The following LRRC4C variants were observed in gnomAD, a reference collection of about 807,000 sequenced individuals.
LRRC4C encodes leucine-rich repeat-containing protein 4C.
In LRRC4C, 5 loss-of-function variants were observed where a neutral mutation model predicts 33.6. The observed-to-expected ratio is 0.15, with a 90% CI of 0.08 to 0.31. The LOEUF is 0.31. Among genes scored for constraint, LRRC4C ranks in the 10% least tolerant of loss-of-function variants. The pLI is 1.00. For missense variants in LRRC4C, 560 were observed against 796.7 expected, an observed-to-expected ratio of 0.70 and a Z score of 3.58; for synonymous variants, 329 against 302.0, an observed-to-expected ratio of 1.09 and a Z score of -0.93.
At chr11:40,447,761 C>A (rs982067930) in intron 3 of LRRC4C, among the ~76,000 whole-genome samples, 8 of 151,824 alleles carry the variant, frequency 5.3e-5, no homozygotes, top group African/African-American at 1.9e-4. Flanking sequence ...AGTAGCTTCA[C>A]TGTAGAGCTT....
At chr11:41,107,326 C>T (rs1452820101) in intron 1 of LRRC4C, among the ~76,000 whole-genome samples, 1 of 151,930 alleles carries the variant, frequency 6.6e-6, no homozygotes, top group Non-Finnish European at 1.5e-5. Flanking sequence ...TGCTATTGAT[C>T]TTTTTATTAA....
chr11:41,057,565 G>C (rs1377534367), intron 1 of LRRC4C, among the ~76,000 whole-genome samples: 1 of 152,186 alleles, frequency 6.6e-6, no homozygotes, highest in East Asian at 1.9e-4. Context: ...TGCCTTTTCT[G>C]GGCCTGCCCA....
intron 2 of LRRC4C, among the ~76,000 whole-genome samples, chr11:40,832,800 A>AGGT (rs1334641357): frequency 2.0e-5 from 3 of 152,180 alleles, no homozygotes; most frequent in Non-Finnish European, 4.4e-5. Flanking sequence ...ATCTAGAATG[A>AGGT]GGTAGTACAT....
At chr11:41,085,387 T>C (rs1286185035) in intron 1 of LRRC4C, among the ~76,000 whole-genome samples, 5 of 152,184 alleles carry the variant, frequency 3.3e-5, no homozygotes, top group African/African-American at 1.2e-4. Flanking sequence ...AGTATATCTC[T>C]CTTAAAGTTG....
chr11:40,188,338 T>C (rs1272277662), intron 5 of LRRC4C, among the ~76,000 whole-genome samples: 2 of 152,186 alleles, frequency 1.3e-5, no homozygotes, highest in South Asian at 2.1e-4. Flanking sequence ...TCCTTAAACA[T>C]ATGACTACAG....
rs370480429 is a variant in LRRC4C, at chr11:40,463,693, A to G, written c.-269-143972T>C. ...TAGAGCTACAAAATGCTCAATGAAC[A>G]AAGAGTTACTTGTTCAAATGCATTA... On this transcript the variant is annotated intron_variant, in intron 3 of 6. Transcript: ENST00000528697. Among the ~76,000 whole-genome samples, 5 of 152,248 alleles carry G rather than the reference A, an allele frequency of 3.3e-5. No individual in the cohort carries two copies. In the East Asian group the frequency reaches 9.7e-4, roughly 29 times the overall value.
intron 3 of LRRC4C, among the ~76,000 whole-genome samples, chr11:40,537,302 T>C (rs1419328694): frequency 6.6e-6 from 1 of 152,098 alleles, no homozygotes; most frequent in East Asian, 1.9e-4. Flanking sequence ...CCTGATTCAA[T>C]CCTCACAATA....
At chr11:41,239,983 C>A (rs913617641) in intron 1 of LRRC4C, among the ~76,000 whole-genome samples, 1 of 152,166 alleles carries the variant, frequency 6.6e-6, no homozygotes, top group Non-Finnish European at 1.5e-5. Context: ...TTTACCCATT[C>A]TGGCTATTAA....
intron 1 of LRRC4C, among the ~76,000 whole-genome samples, chr11:41,034,607 GTATATATA>G (rs59350888): frequency 0.24 from 23,270 of 96,890 alleles, 2,608 homozygotes; most frequent in East Asian, 0.47. Context: ...ATATGGTGAC[GTATATATA>G]TATATATATA....
At chr11:40,236,703 A>G (rs775338503) in intron 5 of LRRC4C, among the ~76,000 whole-genome samples, 1 of 152,216 alleles carries the variant, frequency 6.6e-6, no homozygotes, top group Non-Finnish European at 1.5e-5. Context: ...TGGCAAAGCC[A>G]TTAACATAGA....
intron 1 of LRRC4C, among the ~76,000 whole-genome samples, chr11:41,341,677 A>C (rs917379417): frequency 3.3e-5 from 5 of 152,198 alleles, no homozygotes; most frequent in Admixed American, 3.3e-4. Flanking sequence ...CATCTTTCCA[A>C]GCATGAGGCT....
rs936451336 is a variant in LRRC4C, at chr11:40,447,706, C to T, written c.-269-127985G>A. On this transcript the variant is annotated intron_variant, in intron 3 of 6. Coordinates refer to ENST00000528697, the MANE Select transcript of LRRC4C (RefSeq NM_001258419.2). ...CTCCGTCTCTAAGTGAAGGCTTCTGCGTGGATCAAGGTCTTATCACATGTG... is the reference window on the plus strand; with the variant it reads ...CTCCGTCTCTAAGTGAAGGCTTCTGTGTGGATCAAGGTCTTATCACATGTG... Among the ~76,000 whole-genome samples the T allele has an allele frequency of 3.3e-5, 5 of 152,286 alleles. No individual in the cohort carries two copies. The South Asian group carries it at 8.3e-4, about 25-fold the overall frequency.
chr11:40,742,286 C>A (rs1467304849), intron 2 of LRRC4C, among the ~76,000 whole-genome samples: 1 of 151,972 alleles, frequency 6.6e-6, no homozygotes, highest in Non-Finnish European at 1.5e-5. Flanking sequence ...CATCTGAGAA[C>A]AGGATTAGTT....
intron 3 of LRRC4C, among the ~76,000 whole-genome samples, chr11:40,337,593 A>G (rs1004699596): frequency 6.6e-6 from 1 of 152,068 alleles, no homozygotes; most frequent in East Asian, 1.9e-4. Flanking sequence ...AGTTTTAAAT[A>G]AAGATAACAG....
intron 1 of LRRC4C, among the ~76,000 whole-genome samples, chr11:41,101,273 C>T (rs1296577068): frequency 6.6e-6 from 1 of 151,848 alleles, no homozygotes; most frequent in East Asian, 1.9e-4. Context: ...TAATATGTAG[C>T]AAAGTCCAGC....
intron 3 of LRRC4C, among the ~76,000 whole-genome samples, chr11:40,467,854 T>G (rs559497177): frequency 2.3e-4 from 35 of 152,336 alleles, no homozygotes; most frequent in South Asian, 6.2e-4. Flanking sequence ...TCCCTCCTAG[T>G]ATATCACACT....
Position 40,295,555 on chromosome 11 carries a change from T to G in LRRC4C, c.-176+24073A>C, listed in dbSNP as rs533673095. Among the ~76,000 whole-genome samples, 424 of 152,316 alleles carry G rather than the reference T, an allele frequency of 2.8e-3. 2 individuals carry two copies. Among genetic ancestry groups the G allele is most frequent in the African/African-American group, 9.8e-3 (409 of 41,576 alleles). ...TCTAAGTTTATACAAAATGCTATTT[T>G]TTTCCTCTTCTGTTCCCATTATACT... On this transcript the variant is annotated intron_variant, in intron 4 of 6. Coordinates refer to ENST00000528697, the MANE Select transcript of LRRC4C (RefSeq NM_001258419.2).
chr11:40,670,027 G>A (rs1253766773), intron 2 of LRRC4C, among the ~76,000 whole-genome samples: 1 of 152,094 alleles, frequency 6.6e-6, no homozygotes, highest in Admixed American at 6.5e-5. Context: ...TTTTTGCCAA[G>A]AGCAATATTT....
chr11:40,292,097 A>G (rs1264266447), intron 4 of LRRC4C: 2 of 151,986 alleles, frequency 1.3e-5, no homozygotes, highest in Non-Finnish European at 2.9e-5. Flanking sequence ...TTCTTTAAAA[A>G]AAAACACCAA....
Sources: allele counts gnomAD v4.1 joint callset (sites outside exome capture counted in the v4.1 genomes callset), GRCh38; gene constraint gnomAD v4.1.1; transcripts MANE v1.5; gene names NCBI Gene and HGNC (gene_info 2026-07-23, HGNC 2026-07-21).